Variants in CDH13 observed in about 807,000 individuals in gnomAD.
CDH13 encodes the protein cadherin-13.
CDH13 carries 24 observed loss-of-function variants against 63.8 expected under a neutral mutation model. The observed-to-expected ratio is 0.38, with a 90% confidence interval of 0.27 to 0.53. The LOEUF is 0.53. Among genes scored for constraint, CDH13 ranks in the 20% least tolerant of loss-of-function variants. CDH13 has a pLI of 0.85. For missense variants in CDH13, 1,049 were observed against 903.1 expected (o/e 1.16, Z -2.07); for synonymous variants, 503 against 355.3 (o/e 1.42, Z -4.67).
At chr16:83,277,964 A>T (rs962994719) in intron 5 of CDH13, among the ~76,000 whole-genome samples, 1 of 152,200 alleles carries the variant, frequency 6.6e-6, no homozygotes, top group Non-Finnish European at 1.5e-5. Context: ...GTGAAATGCT[A>T]TATCAAGTAG....
intron 1 of CDH13, among the ~76,000 whole-genome samples, chr16:82,843,829 T>C (rs1230908458): frequency 1.3e-5 from 2 of 152,218 alleles, no homozygotes; most frequent in Non-Finnish European, 2.9e-5. Flanking sequence ...CAAAAGTTCA[T>C]AGTCTAATTG....
chr16:83,267,692 C>G (rs1482395561), intron 5 of CDH13, among the ~76,000 whole-genome samples: 1 of 152,180 alleles, frequency 6.6e-6, no homozygotes, highest in African/African-American at 2.4e-5. Context: ...CACAACATTA[C>G]GATGGAGCAA....
At chr16:83,460,982 A>AACACAGACAC (rs1555552602) in intron 6 of CDH13, among the ~76,000 whole-genome samples, 2 of 134,254 alleles carry the variant, frequency 1.5e-5, no homozygotes, top group Non-Finnish European at 3.2e-5. Context: ...CTTGTCTCAA[A>AACACAGACAC]ACACACACAC....
intron 5 of CDH13, among the ~76,000 whole-genome samples, chr16:83,238,876 C>G (rs1230802295): frequency 6.6e-6 from 1 of 152,208 alleles, no homozygotes; most frequent in Non-Finnish European, 1.5e-5. Context: ...CAGTCTTCTT[C>G]TGTCCTGATG....
intron 2 of CDH13, among the ~76,000 whole-genome samples, chr16:83,017,178 C>T (rs1369861435): frequency 2.0e-5 from 3 of 152,094 alleles, no homozygotes; most frequent in Non-Finnish European, 2.9e-5. Flanking sequence ...TTGCCTGGGC[C>T]CCATTCATTC....
chr16:83,215,109 C>T (rs2039459051), intron 4 of CDH13, among the ~76,000 whole-genome samples: 1 of 79,172 alleles, frequency 1.3e-5, no homozygotes, highest in African/African-American at 5.1e-5. Context: ...TGGAGTCTTA[C>T]TCTGTCACTC....
intron 1 of CDH13, among the ~76,000 whole-genome samples, chr16:82,718,167 A>C (rs2032514242): frequency 6.6e-6 from 1 of 152,172 alleles, no homozygotes. Context: ...GCTTGTTCTT[A>C]TGGGCAGCTG....
At chr16:82,979,405 C>T (rs751792558) in intron 2 of CDH13, among the ~76,000 whole-genome samples, 2 of 152,110 alleles carry the variant, frequency 1.3e-5, no homozygotes, top group Admixed American at 1.3e-4. Context: ...CAAATTTCAT[C>T]TTGAATTATA....
chr16:83,719,058 G>C (rs1909326044), intron 10 of CDH13, among the ~76,000 whole-genome samples: 1 of 152,186 alleles, frequency 6.6e-6, no homozygotes, highest in South Asian at 2.1e-4. Context: ...ATGGCTTCCA[G>C]GGCACCCTCA....
chr16:83,626,921 A>T (rs181727471), intron 8 of CDH13, among the ~76,000 whole-genome samples: 10 of 152,196 alleles, frequency 6.6e-5, no homozygotes, highest in Admixed American at 5.9e-4. Context: ...GTGTTCTGAC[A>T]ACATCCTAGA....
chr16:83,231,704 C>G (rs2040001493), intron 5 of CDH13, among the ~76,000 whole-genome samples: 1 of 152,160 alleles, frequency 6.6e-6, no homozygotes, highest in African/African-American at 2.4e-5. Flanking sequence ...CCTGCAAAGC[C>G]AAAAGGACTT....
chr16:83,025,900 G>A lies in CDH13; in HGVS notation c.158-6110G>A, dbSNP rs376915199. Among the ~76,000 whole-genome samples, 6 of 152,264 alleles carry A rather than the reference G, an allele frequency of 3.9e-5. No individual in the cohort carries two copies. The East Asian group carries it at 9.7e-4, about 25-fold the overall frequency. ...CAGGGGGAGCTTTTAAGAGATACTA[G>A]TGCACACAGACCGCAACTCAGCACA... On this transcript the variant is annotated intron_variant, in intron 2 of 13. Coordinates refer to ENST00000567109, the MANE Select transcript of CDH13 (RefSeq NM_001257.5).
chr16:82,864,101 A>G (rs1044996474), intron 2 of CDH13, among the ~76,000 whole-genome samples: 2 of 152,202 alleles, frequency 1.3e-5, no homozygotes, highest in African/African-American at 4.8e-5. Flanking sequence ...AAATATTCTT[A>G]TTTACTTCGC....
intron 1 of CDH13, among the ~76,000 whole-genome samples, chr16:82,766,159 T>G (rs8045343): frequency 0.011 from 1,644 of 152,336 alleles, 30 homozygotes; most frequent in African/African-American, 0.038. Flanking sequence ...CTGAAATAAG[T>G]CCTGGAGTCT....
intron 5 of CDH13, among the ~76,000 whole-genome samples, chr16:83,309,416 C>A (rs1419713166): frequency 1.3e-5 from 2 of 152,058 alleles, no homozygotes; most frequent in Non-Finnish European, 2.9e-5. Context: ...TACTCTGTCA[C>A]CCAGGCTGGA....
At chr16:82,669,730 G>A (rs28722959) in intron 1 of CDH13, among the ~76,000 whole-genome samples, 410 of 152,286 alleles carry the variant, frequency 2.7e-3, no homozygotes, top group African/African-American at 9.5e-3. Flanking sequence ...GATCAATTAA[G>A]CATATATAAT....
chr16:83,712,305 G>A (rs1908185510), intron 10 of CDH13, among the ~76,000 whole-genome samples: 1 of 152,182 alleles, frequency 6.6e-6, no homozygotes, highest in African/African-American at 2.4e-5. Flanking sequence ...AGCACTGGGG[G>A]CTCTTGCGAT....
At chr16:82,653,766 A>T (rs1308259066) in intron 1 of CDH13, among the ~76,000 whole-genome samples, 1 of 152,120 alleles carries the variant, frequency 6.6e-6, no homozygotes, top group African/African-American at 2.4e-5. Flanking sequence ...AGACGCTCTT[A>T]AATCTGGGTT....
intron 1 of CDH13, among the ~76,000 whole-genome samples, chr16:82,680,473 C>G (rs7193551): frequency 0.02 from 2,875 of 142,242 alleles, 83 homozygotes; most frequent in African/African-American, 0.071. Context: ...TGGTTGAGAT[C>G]TGGTCTGGGA....
Sources: gnomAD v4.1 joint callset for allele counts (sites outside exome capture counted in the v4.1 genomes callset) on GRCh38, gnomAD v4.1.1 for gene constraint, MANE v1.5 for transcripts, NCBI Gene and HGNC (gene_info 2026-07-23, HGNC 2026-07-21) for gene names.